DLG1: variants seen among roughly 807,000 people sequenced by gnomAD.
DLG1 encodes disks large homolog 1.
DLG1 carries 42 observed loss-of-function variants against 123.4 expected under a neutral mutation model. That is an observed-to-expected ratio of 0.34 (90% confidence interval 0.27 to 0.44). DLG1 has a LOEUF of 0.44. Among genes scored for constraint, DLG1 ranks in the 20% least tolerant of loss-of-function variants. DLG1 has a pLI of 1.00. For synonymous variants in DLG1, 317 were observed against 356.2 expected (o/e 0.89, Z 1.24); for missense variants, 942 against 1,082.6 (o/e 0.87, Z 1.82).
chr3:197,118,490 T>C (rs1774504337), intron 12 of DLG1, among the ~76,000 whole-genome samples: 1 of 152,180 alleles, frequency 6.6e-6, no homozygotes, highest in Non-Finnish European at 1.5e-5. Context: ...CACTCCTATC[T>C]GTCCTAAAGA....
intron 24 of DLG1, among the ~76,000 whole-genome samples, chr3:197,048,659 C>T (rs1327004639): frequency 6.6e-6 from 1 of 151,964 alleles, no homozygotes; most frequent in African/African-American, 2.4e-5. Context: ...ATTATTATTA[C>T]TATTATTATT....
intron 5 of DLG1, among the ~76,000 whole-genome samples, chr3:197,153,086 T>C (rs1036186353): frequency 6.6e-6 from 1 of 152,232 alleles, no homozygotes; most frequent in Admixed American, 6.5e-5. Flanking sequence ...TACTCAATTA[T>C]GAACAAGTGC....
At chr3:197,052,869 T>C (rs1056679867) in intron 23 of DLG1, among the ~76,000 whole-genome samples, 1 of 152,192 alleles carries the variant, frequency 6.6e-6, no homozygotes, top group African/African-American at 2.4e-5. Context: ...CTGCCATGAA[T>C]AGATCTTACT....
chr3:197,163,800 G>A (rs1453432115), intron 5 of DLG1, among the ~76,000 whole-genome samples: 2 of 148,002 alleles, frequency 1.4e-5, no homozygotes, highest in Non-Finnish European at 3.0e-5. Flanking sequence ...GCCTTCCAAA[G>A]TGTTGAGATT....
At chr3:197,118,261 T>C (rs1314047002) in intron 12 of DLG1, among the ~76,000 whole-genome samples, 3 of 152,214 alleles carry the variant, frequency 2.0e-5, no homozygotes, top group Non-Finnish European at 2.9e-5. Flanking sequence ...ACAGTTTCCC[T>C]CTTTACGGCC....
At chr3:197,272,293 G>C (rs142431420) in intron 4 of DLG1, among the ~76,000 whole-genome samples, 12 of 151,584 alleles carry the variant, frequency 7.9e-5, no homozygotes, top group Non-Finnish European at 1.3e-4. Context: ...CAAGGGTGCA[G>C]TCAGCTATGA....
chr3:197,285,734 A>G (rs1347296584), intron 3 of DLG1, among the ~76,000 whole-genome samples: 1 of 152,206 alleles, frequency 6.6e-6, no homozygotes, highest in Non-Finnish European at 1.5e-5. Context: ...CACCAACACT[A>G]CCAAATGCTG....
chr3:197,059,744 A>C, intron 23 of DLG1, 145 bp downstream of exon 23: 1 of 593,020 alleles, frequency 1.7e-6, no homozygotes, highest in Non-Finnish European at 3.0e-6. Flanking sequence ...TGCTTATTTA[A>C]TCCTCACCAC....
Position 197,204,346 on chromosome 3 carries a change from C to T in DLG1, c.319-9757G>A, listed in dbSNP as rs530829035. Among the ~76,000 whole-genome samples the T allele has an allele frequency of 3.3e-5, 5 of 152,246 alleles. No homozygotes were observed. In the East Asian group the frequency reaches 9.6e-4, roughly 29 times the overall value. Reference sequence around the variant, plus strand: ...ATTAGATTGCTTGTTTTCCTGAACACGACAAAAGCTGCTACAGGACCAACT... The same window carrying T: ...ATTAGATTGCTTGTTTTCCTGAACATGACAAAAGCTGCTACAGGACCAACT... On this transcript the variant is annotated intron_variant, in intron 4 of 24. Transcript: ENST00000667157.
At chr3:197,050,209 T>C (rs1726407018) in intron 24 of DLG1, among the ~76,000 whole-genome samples, 1 of 150,934 alleles carries the variant, frequency 6.6e-6, no homozygotes. Flanking sequence ...CTACTAAAAA[T>C]ACAAAAAATT....
intron 3 of DLG1, among the ~76,000 whole-genome samples, chr3:197,286,585 A>G (rs1771973164): frequency 6.6e-6 from 1 of 152,224 alleles, no homozygotes; most frequent in Non-Finnish European, 1.5e-5. Context: ...CTGCTGTACA[A>G]TACGGCAATA....
At chr3:197,298,327 G>A (rs1230089810) in intron 1 of DLG1, 1 of 394,650 alleles carries the variant, frequency 2.5e-6, no homozygotes, top group East Asian at 3.6e-5. Context: ...TCGCTTAAAA[G>A]GGCGGCCGCT....
chr3:197,050,055 C>G (rs1223467234), intron 24 of DLG1, among the ~76,000 whole-genome samples: 1 of 151,724 alleles, frequency 6.6e-6, no homozygotes, highest in Non-Finnish European at 1.5e-5. Flanking sequence ...CAAAACCCTG[C>G]CTCAAAAACA....
rs146404902 is a variant in DLG1 at position 197,181,327 on chromosome 3, T to C, written c.483+13098A>G. ...ATTCAAAGTTAATCTTTCTGTCAAA[T>C]CTTAGAGTATTTTTGACATCAGTGA... On this transcript the variant is annotated intron_variant, in intron 5 of 24. Coordinates refer to ENST00000667157, the MANE Select transcript of DLG1 (RefSeq NM_001366207.1). Among the ~76,000 whole-genome samples, 17 of 152,312 alleles carry C rather than the reference T, an allele frequency of 1.1e-4. No individual in the cohort carries two copies. In the East Asian group the frequency reaches 3.3e-3, roughly 29 times the overall value.
At chr3:197,115,856 A>C (rs1773003990) in intron 13 of DLG1, 71 bp downstream of exon 13, 4 of 1,484,882 alleles carry the variant, frequency 2.7e-6, no homozygotes, top group Non-Finnish European at 3.7e-6. Flanking sequence ...ATATAAAAAA[A>C]CAGAAGACCT....
intron 16 of DLG1, 47 bp from the exon 17 acceptor site, chr3:197,081,164 G>T: frequency 6.5e-7 from 1 of 1,546,626 alleles, no homozygotes; most frequent in Non-Finnish European, 8.9e-7. Context: ...AAACATATCT[G>T]GGGTCTTACT....
At position 197,282,138 on chromosome 3, in the gene DLG1, G is replaced by A. The variant is rs977520765; in HGVS notation, c.318+541C>T. 1.1e-4 allele frequency among the ~76,000 whole-genome samples: 16 copies of A among 152,270 alleles called. 1 individual carries two copies. Among genetic ancestry groups the A allele is most frequent in the African/African-American group, 3.6e-4 (15 of 41,530 alleles). On this transcript the variant is annotated intron_variant, in intron 4 of 24. Transcript: ENST00000667157. Reference sequence around the variant, plus strand: ...GCAACAGTATAACACACACAAAAAAGTATATTACTAAGATAGTTATGAATA... The same window carrying A: ...GCAACAGTATAACACACACAAAAAAATATATTACTAAGATAGTTATGAATA...
At chr3:197,286,974 C>T (rs1772169524) in intron 3 of DLG1, among the ~76,000 whole-genome samples, 1 of 151,592 alleles carries the variant, frequency 6.6e-6, no homozygotes. Flanking sequence ...CTGGGCTCAA[C>T]AAATCCTCCT....
chr3:197,090,766 G>A (rs1157163459), intron 15 of DLG1, 146 bp downstream of exon 15: 1 of 488,590 alleles, frequency 2.0e-6, no homozygotes. Context: ...AAGGCACACT[G>A]TCAGAGAGAA....
Sources: allele counts gnomAD v4.1 joint callset (sites outside exome capture counted in the v4.1 genomes callset), GRCh38; gene constraint gnomAD v4.1.1; transcripts MANE v1.5; gene names NCBI Gene and HGNC (gene_info 2026-07-23, HGNC 2026-07-21).